Variants in PARP16 observed in about 807,000 individuals in gnomAD.
The protein encoded by PARP16 is protein mono-ADP-ribosyltransferase PARP16.
A neutral mutation model predicts 35.0 loss-of-function variants in PARP16; 31 were observed. The observed-to-expected ratio is 0.88, with a 90% CI of 0.66 to 1.19. PARP16 has a LOEUF of 1.19. Among genes scored for constraint, PARP16 ranks in the 50% most tolerant of loss-of-function variants. The pLI is 0.00. For synonymous variants in PARP16, 162 were observed against 169.5 expected (o/e 0.96, Z 0.34); for missense variants, 424 against 411.2 (o/e 1.03, Z -0.27).
intron 3 of PARP16, among the ~76,000 whole-genome samples, chr15:65,240,344 G>GTGTA (rs2089033916): frequency 6.7e-6 from 1 of 148,198 alleles, no homozygotes; most frequent in Non-Finnish European, 1.5e-5. Flanking sequence ...GTGTGTGTGT[G>GTGTA]TGTGTGTGTG....
chr15:65,236,863 T>C (rs1168183390), intron 3 of PARP16, among the ~76,000 whole-genome samples: 3 of 150,648 alleles, frequency 2.0e-5, no homozygotes, highest in African/African-American at 7.4e-5. Flanking sequence ...TCCCAGCTAC[T>C]CGGGAGGCTG....
rs1247324659 is a variant in PARP16 at position 65,258,358 on chromosome 15, T to C, written c.*1049A>G. ...CCTACACATTAAAGCCCAGGCTGAG[T>C]CTCAAAGACCTGTGACCCCTCTGAA... On this transcript the variant is annotated 3_prime_UTR_variant, in exon 6 of 6. Coordinates refer to ENST00000649807, the MANE Select transcript of PARP16 (RefSeq NM_001316943.2). 1 of 152,080 alleles carries C rather than the reference T, an allele frequency of 6.6e-6. No homozygotes were observed. The highest frequency in any genetic ancestry group is 1.9e-4 in the East Asian group (1 of 5,172). 9.4% of individuals were successfully genotyped at this position (152,080 alleles called of 1,614,324 possible).
At chr15:65,240,396 C>A (rs1209526534) in intron 3 of PARP16, among the ~76,000 whole-genome samples, 3 of 150,538 alleles carry the variant, frequency 2.0e-5, no homozygotes, top group Non-Finnish European at 4.4e-5. Context: ...AACGCCCGGC[C>A]AATTTTTTTG....
chr15:65,231,095 C>T (rs1263916686), downstream of PARP16, among the ~76,000 whole-genome samples: 1 of 151,954 alleles, frequency 6.6e-6, no homozygotes, highest in East Asian at 1.9e-4. Context: ...ACCATGTTGG[C>T]CAGGCCAGTC....
chr15:65,270,706 G>A (rs537178336), intron 2 of PARP16, among the ~76,000 whole-genome samples: 1 of 152,130 alleles, frequency 6.6e-6, no homozygotes, highest in Non-Finnish European at 1.5e-5. Context: ...CCTACTCAAG[G>A]TCACACAGCT....
At chr15:65,245,231 C>T (rs1027311958) in intron 3 of PARP16, among the ~76,000 whole-genome samples, 4 of 152,212 alleles carry the variant, frequency 2.6e-5, no homozygotes, top group South Asian at 2.1e-4. Flanking sequence ...GTGGCTTCCT[C>T]GCCACCCCAC....
At chr15:65,263,811 C>G (rs2140868586) in intron 3 of PARP16, among the ~76,000 whole-genome samples, 1 of 152,256 alleles carries the variant, frequency 6.6e-6, no homozygotes, top group Admixed American at 6.5e-5. Flanking sequence ...TACTCCATTG[C>G]AGGCCTTTAT....
downstream of PARP16, among the ~76,000 whole-genome samples, chr15:65,233,679 T>C (rs1189261899): frequency 6.7e-6 from 1 of 149,838 alleles, no homozygotes; most frequent in Non-Finnish European, 1.5e-5. Flanking sequence ...GAGGTTGCAG[T>C]GAGCCGGGAC....
intron 3 of PARP16, among the ~76,000 whole-genome samples, chr15:65,239,491 G>GA (rs1595979229): frequency 1.1e-5 from 1 of 88,104 alleles, no homozygotes; most frequent in Non-Finnish European, 2.4e-5. Context: ...AAGAAAAAAT[G>GA]AAAAAGAACT....
chr15:65,249,172 G>C (rs2089290136), intron 2 of PARP16, among the ~76,000 whole-genome samples: 1 of 152,216 alleles, frequency 6.6e-6, no homozygotes. Context: ...AGCATCTCAA[G>C]GCTGTGGGAA....
At chr15:65,232,928 A>C (rs1471234588), downstream of PARP16, among the ~76,000 whole-genome samples, 2 of 151,668 alleles carry the variant, frequency 1.3e-5, no homozygotes, top group Non-Finnish European at 2.9e-5. Context: ...AACAAAAAAA[A>C]CAGTTGAGCA....
Position 65,266,543 on chromosome 15 carries a change from G to C in PARP16, c.519+19C>G, listed in dbSNP as rs762696181. ...CATCCCTGCTTCCCCACATCAGCAGGGTGTCCCTTAGGCCCCACCTTGTTC... is the reference window on the plus strand; with the variant it reads ...CATCCCTGCTTCCCCACATCAGCAGCGTGTCCCTTAGGCCCCACCTTGTTC... On this transcript the variant is annotated intron_variant, in intron 3 of 5. Transcript: ENST00000649807. The C allele has an allele frequency of 6.9e-6, 11 of 1,597,066 alleles. No individual in the cohort carries two copies. The South Asian group carries it at 1.2e-4, about 18-fold the overall frequency.
chr15:65,270,856 T>C (rs2090070953), intron 2 of PARP16, 79 bp downstream of exon 2: 19 of 1,403,166 alleles, frequency 1.4e-5, no homozygotes, highest in Middle Eastern at 2.4e-4. Flanking sequence ...CACAGGGAAG[T>C]CTCAGAGCCA....
chr15:65,238,692 A>G (rs767153218), intron 3 of PARP16, among the ~76,000 whole-genome samples: 24 of 152,204 alleles, frequency 1.6e-4, no homozygotes, highest in Non-Finnish European at 5.9e-5. Context: ...AGCCAGGGTG[A>G]TTTTTTAAGA....
chr15:65,260,378 A>G (rs2089667512), intron 5 of PARP16, among the ~76,000 whole-genome samples: 1 of 152,188 alleles, frequency 6.6e-6, no homozygotes, highest in African/African-American at 2.4e-5. Flanking sequence ...ACCAAAGCTG[A>G]TAAGGTCTGA....
chr15:65,263,056 T>A, intron 4 of PARP16, 93 bp downstream of exon 4: 1 of 1,190,050 alleles, frequency 8.4e-7, no homozygotes, highest in Non-Finnish European at 1.2e-6. Context: ...CCCTTGGGCA[T>A]GCAATGGGTG....
rs1251297055 is a variant in PARP16, at chr15:65,283,757, G to A, written c.174+2496C>T. Among the ~76,000 whole-genome samples, 8 of 152,238 alleles carry A rather than the reference G, an allele frequency of 5.3e-5. No individual in the cohort carries two copies. In the South Asian group the frequency reaches 1.0e-3, roughly 20 times the overall value. On this transcript the variant is annotated intron_variant, in intron 1 of 5. Coordinates refer to ENST00000649807, the MANE Select transcript of PARP16 (RefSeq NM_001316943.2). Reference sequence around the variant, plus strand: ...AGGTTAACACTGTTAACCTCTCCACGGGTTAATCCTGTATCCTTAGCACCT... The same window carrying A: ...AGGTTAACACTGTTAACCTCTCCACAGGTTAATCCTGTATCCTTAGCACCT...
At chr15:65,249,687 G>A (rs1337917313) in intron 2 of PARP16, among the ~76,000 whole-genome samples, 2 of 152,134 alleles carry the variant, frequency 1.3e-5, no homozygotes, top group Admixed American at 1.3e-4. Flanking sequence ...GGGGGATTTG[G>A]CTGCCAGCAG....
At chr15:65,284,166 C>T (rs1257697272) in intron 1 of PARP16, among the ~76,000 whole-genome samples, 2 of 152,084 alleles carry the variant, frequency 1.3e-5, no homozygotes, top group African/African-American at 2.4e-5. Context: ...CAATGTGGTT[C>T]GTGCCATTAA....
Sources: allele counts gnomAD v4.1 joint callset (sites outside exome capture counted in the v4.1 genomes callset), GRCh38; gene constraint gnomAD v4.1.1; transcripts MANE v1.5; gene names NCBI Gene and HGNC (gene_info 2026-07-23, HGNC 2026-07-21).